The following POFUT2 variants were observed in gnomAD, a reference collection of about 807,000 sequenced individuals.
The protein encoded by POFUT2 is protein O-fucosyltransferase 2.
POFUT2 carries 30 observed loss-of-function variants against 55.0 expected under a neutral mutation model. That is an observed-to-expected ratio of 0.55 (90% CI 0.41 to 0.74). The LOEUF is 0.74. Ranked by LOEUF, POFUT2 falls within the 30% of genes least tolerant of loss-of-function variation. The pLI, the probability that POFUT2 is intolerant of heterozygous loss-of-function variation, is 0.00. For synonymous variants in POFUT2, 267 were observed against 231.1 expected (o/e 1.16, Z -1.41); for missense variants, 524 against 562.6 (o/e 0.93, Z 0.69).
Position 45,277,099 on chromosome 21 carries a change from C to T in POFUT2, c.749G>A (p.Gly250Glu). The change falls in exon 6 of 9, where the codon GGA becomes GAA. Residue 250 changes from glycine (G) to glutamate (E), a missense_variant. Gly to Glu is a moderately conservative substitution (Grantham distance 98, BLOSUM62 -2). Coordinates refer to ENST00000349485, the MANE Select transcript of POFUT2 (RefSeq NM_133635.6). The surrounding 1 kb of genome is among the most constrained non-coding windows in gnomAD (Gnocchi z 6.9). ...GAGATGTCTGCTCCTGAACTCGTCT[C>T]CCACCTCCCGCAGGTGCCTGGCAAA... ...MVFARHLREVGDEFRSRHLNS... is the reference protein window; with the variant it reads ...MVFARHLREVEDEFRSRHLNS... 6.2e-7 allele frequency: 1 copy of T among 1,614,086 alleles called. No homozygotes were observed. Among genetic ancestry groups the T allele is most frequent in the Non-Finnish European group, 8.5e-7 (1 of 1,179,986 alleles).
intron 1 of POFUT2, 112 bp downstream of exon 1, chr21:45,287,629 C>T: frequency 9.1e-7 from 1 of 1,104,364 alleles, no homozygotes; most frequent in Non-Finnish European, 1.2e-6. Context: ...CGTGGGCCTG[C>T]CCCTGACCCC....
At position 45,285,395 on chromosome 21, in the gene POFUT2, C is replaced by T. The variant is rs756027381; in HGVS notation, c.382+283G>A. On this transcript the variant is annotated intron_variant, in intron 2 of 8. Transcript: ENST00000349485. This position sits in a 1 kb window ranked among gnomAD's most constrained non-coding sequence, Gnocchi z 4.9. The stretch of plus-strand genomic sequence containing the variant: ...TCACTATAACACCCAGGGGTGGCCG[C>T]TTTCTTAGGGTGTAAGGGCGGCTCT... 232 of 434,500 alleles carry T rather than the reference C, an allele frequency of 5.3e-4. No individual in the cohort carries two copies. Among genetic ancestry groups the T allele is most frequent in the Non-Finnish European group, 8.7e-4 (200 of 229,548 alleles). 26.9% of individuals were successfully genotyped at this position (434,500 alleles called of 1,614,324 possible).
At position 45,286,629 on chromosome 21, in the gene POFUT2, C is replaced by CT. The variant is rs766545662; in HGVS notation, c.132-702dup. Among the ~76,000 whole-genome samples, 129 of 152,354 alleles carry CT rather than the reference C, an allele frequency of 8.5e-4. No homozygotes were observed. In the Middle Eastern group the frequency reaches 0.014, roughly 16 times the overall value. On this transcript the variant is annotated intron_variant, in intron 1 of 8. Transcript: ENST00000349485. ...CAAAAGCTCAGAGATCCAGGACACACTTTAAGATCACTGCCCTAGAGGAAG... is the reference window on the plus strand; with the variant it reads ...CAAAAGCTCAGAGATCCAGGACACACTTTTAAGATCACTGCCCTAGAGGAAG...
In POFUT2 at chr21:45,282,757, G is replaced by A. The variant is rs1308522312; in HGVS notation, c.528-298C>T. The A allele has an allele frequency of 3.8e-6, 2 of 529,678 alleles. No homozygotes were observed. The highest frequency in any genetic ancestry group is 7.4e-6 in the Non-Finnish European group (2 of 268,834). The allele number at this position is 529,678 out of a possible 1,614,324, so 32.8% of individuals were successfully genotyped here. On this transcript the variant is annotated intron_variant, in intron 3 of 8. Coordinates refer to ENST00000349485, the MANE Select transcript of POFUT2 (RefSeq NM_133635.6). The surrounding 1 kb of genome is among the most constrained non-coding windows in gnomAD (Gnocchi z 4.6). The stretch of plus-strand genomic sequence containing the variant: ...CCCTGTGCACCTTCAGGGCCAGCCT[G>A]GCTGTGACCGTCAGCCAAGTCAACC...
chr21:45,267,685 G>C lies in POFUT2; in HGVS notation c.1041C>G (p.Pro347=). ...ACGTGGGTTCAAACCTCACCATCTC[G>C]GGTAACAGCTTTTTTAGCTCTTCAT... ...KEYEELKKLL[P]EMVRFEPTWE... The change falls in exon 8 of 9, where the codon CCC becomes CCG. Residue 347 remains proline, a synonymous_variant. Coordinates refer to ENST00000349485, the MANE Select transcript of POFUT2 (RefSeq NM_133635.6). This position sits in a 1 kb window ranked among gnomAD's most constrained non-coding sequence, Gnocchi z 4.4. The C allele has an allele frequency of 6.2e-7, 1 of 1,614,134 alleles. No homozygotes were observed. Among genetic ancestry groups the C allele is most frequent in the Non-Finnish European group, 8.5e-7 (1 of 1,180,022 alleles).
chr21:45,282,320 G>A lies in POFUT2; in HGVS notation c.638+29C>T, dbSNP rs1245157649. On this transcript the variant is annotated intron_variant, in intron 4 of 8. Transcript: ENST00000349485. This position sits in a 1 kb window ranked among gnomAD's most constrained non-coding sequence, Gnocchi z 4.6. ...ACGGAGCAGACGCCACAGCCTCCAG[G>A]CTGCTCCCGGGGGGCCTGGGGCACT... is the stretch of plus-strand genomic sequence containing the variant. The A allele has an allele frequency of 7.1e-7, 1 of 1,416,006 alleles. No homozygotes were observed. Among genetic ancestry groups the A allele is most frequent in the South Asian group, 1.1e-5 (1 of 87,266 alleles). The allele number at this position is 1,416,006 out of a possible 1,614,324, so 87.7% of individuals were successfully genotyped here.
At position 45,264,846 on chromosome 21, in the gene POFUT2, G is replaced by T. The variant is rs2093139951; in HGVS notation, c.*636C>A. ...GAAAAACTTCCCAGTGCTCTGACGT[G>T]CCAGCAGTAGGGCCTGAACTGTCAT... is the stretch of plus-strand genomic sequence containing the variant. On this transcript the variant is annotated 3_prime_UTR_variant, in exon 9 of 9. Transcript: ENST00000349485. 1 of 152,428 alleles carries T rather than the reference G, an allele frequency of 6.6e-6. No individual in the cohort carries two copies. The highest frequency in any genetic ancestry group is 2.1e-4 in the South Asian group (1 of 4,840). 9.4% of individuals were successfully genotyped at this position (152,428 alleles called of 1,614,324 possible). A position where few individuals can be genotyped will look rare whatever the true frequency, so the allele number is the denominator to read the frequency against.
chr21:45,268,824 CCTCCG>C (rs2093185865), intron 7 of POFUT2, among the ~76,000 whole-genome samples: 8 of 143,354 alleles, frequency 5.6e-5, no homozygotes, highest in Admixed American at 4.1e-4. Context: ...GGGGGTCAGC[CCTCCG>C]CCCGGCCAGC....
intron 7 of POFUT2, among the ~76,000 whole-genome samples, chr21:45,269,216 G>A (rs1227027598): frequency 1.5e-3 from 226 of 151,552 alleles, no homozygotes; most frequent in African/African-American, 4.8e-3. Flanking sequence ...GGTGAGGGGC[G>A]CCTCTGCCCG....
At position 45,266,353 on chromosome 21, in the gene POFUT2, G is replaced by A. The variant is rs763417204; in HGVS notation, c.1137-718C>T. The A allele has an allele frequency of 1.4e-5, 18 of 1,319,354 alleles. No homozygotes were observed. The Admixed American group carries it at 1.8e-4, about 13-fold the overall frequency. 81.7% of individuals were successfully genotyped at this position (1,319,354 alleles called of 1,614,324 possible). Reference sequence around the variant, plus strand: ...TGCTGCTGCGGGGTGCAGCACTGGTGGGGAGACCCTCACCACCCCACACAC... The same window carrying A: ...TGCTGCTGCGGGGTGCAGCACTGGTAGGGAGACCCTCACCACCCCACACAC... On this transcript the variant is annotated intron_variant, in intron 8 of 8. Transcript: ENST00000349485.
chr21:45,277,465 T>C lies in POFUT2; in HGVS notation c.706-323A>G, dbSNP rs147821184. ...TGTGCAGCTCCTTCCCCTCAGTCTC[T>C]CCCCAACTCGACTTCTAGCTTAGGC... is the stretch of plus-strand genomic sequence containing the variant. On this transcript the variant is annotated intron_variant, in intron 5 of 8. Transcript: ENST00000349485. The surrounding 1 kb of genome is among the most constrained non-coding windows in gnomAD (Gnocchi z 6.9). The C allele has an allele frequency of 6.2e-4, 217 of 351,214 alleles. 2 individuals carry two copies. Among genetic ancestry groups the C allele is most frequent in the African/African-American group, 4.3e-3 (207 of 47,892 alleles). 21.8% of individuals were successfully genotyped at this position (351,214 alleles called of 1,614,324 possible).
chr21:45,285,969 G>C lies in POFUT2; in HGVS notation c.132-41C>G. ...GAGGACCACAGGTCTCAAATGCTGA[G>C]GTTTCTGCACGGAAAACCCGACTGC... On this transcript the variant is annotated intron_variant, in intron 1 of 8. Transcript: ENST00000349485. This position sits in a 1 kb window ranked among gnomAD's most constrained non-coding sequence, Gnocchi z 4.9. 6.4e-7 allele frequency: 1 copy of C among 1,559,528 alleles called. No individual in the cohort carries two copies. Among genetic ancestry groups the C allele is most frequent in the Non-Finnish European group, 8.7e-7 (1 of 1,153,764 alleles).
rs956041977 is a variant in POFUT2, at chr21:45,265,986, G to C, written c.1137-351C>G. On this transcript the variant is annotated intron_variant, in intron 8 of 8. Transcript: ENST00000349485. The surrounding 1 kb of genome is among the most constrained non-coding windows in gnomAD (Gnocchi z 4.6). The stretch of plus-strand genomic sequence containing the variant: ...CCAGTGCAGGTCGAATACCTCCTGG[G>C]GGTCACATGGTGAACAATGAGAGAT... 4 of 1,222,602 alleles carry C rather than the reference G, an allele frequency of 3.3e-6. No homozygotes were observed. The African/African-American group carries it at 4.7e-5, about 14-fold the overall frequency. The allele number at this position is 1,222,602 out of a possible 1,614,324, so 75.7% of individuals were successfully genotyped here. A position where few individuals can be genotyped will look rare whatever the true frequency, so the allele number is the denominator to read the frequency against.
intron 8 of POFUT2, chr21:45,266,920 A>G: frequency 2.0e-6 from 2 of 1,022,802 alleles, no homozygotes; most frequent in Non-Finnish European, 2.3e-6. Context: ...TCCTATGCAG[A>G]TGGGCAGGCA....
rs1264298952 is a variant in POFUT2 at position 45,267,473 on chromosome 21, T to C, written c.1136+117A>G. ...GACTCAGACGAGGAGGCAAACAGTA[T>C]GGAAATGACCACTGTGAACACAGGC... On this transcript the variant is annotated intron_variant, in intron 8 of 8. Coordinates refer to ENST00000349485, the MANE Select transcript of POFUT2 (RefSeq NM_133635.6). This position sits in a 1 kb window ranked among gnomAD's most constrained non-coding sequence, Gnocchi z 4.4. 1 of 1,614,122 alleles carries C rather than the reference T, an allele frequency of 6.2e-7. No individual in the cohort carries two copies. Among genetic ancestry groups the C allele is most frequent in the Admixed American group, 1.7e-5 (1 of 60,034 alleles).
intron 4 of POFUT2, among the ~76,000 whole-genome samples, chr21:45,279,235 C>T (rs1457439691): frequency 2.0e-5 from 3 of 151,866 alleles, no homozygotes; most frequent in Admixed American, 1.3e-4. Flanking sequence ...ACTAAAAATA[C>T]AAAAAAATTA....
Position 45,277,764 on chromosome 21 carries a change from C to T in POFUT2, c.705+339G>A, listed in dbSNP as rs1024502495. The T allele has an allele frequency of 2.9e-6, 1 of 344,864 alleles. No homozygotes were observed. The highest frequency in any genetic ancestry group is 2.1e-5 in the African/African-American group (1 of 47,190). 21.4% of individuals were successfully genotyped at this position (344,864 alleles called of 1,614,324 possible). On this transcript the variant is annotated intron_variant, in intron 5 of 8. Transcript: ENST00000349485. This position sits in a 1 kb window ranked among gnomAD's most constrained non-coding sequence, Gnocchi z 6.9. ...AGACCCGCTGCAGAGAATAGTCCCA[C>T]CTTTCAAAGCTAAAGAGAGGAGAAA...
Position 45,264,548 on chromosome 21 carries a change from T to A in POFUT2, c.*934A>T, listed in dbSNP as rs558309024. ...ATAAAGCAGCTCATCCTAGACAGCCTTTTGGAGTTAGCGTAACTGTCCTTC... is the reference window on the plus strand; with the variant it reads ...ATAAAGCAGCTCATCCTAGACAGCCATTTGGAGTTAGCGTAACTGTCCTTC... On this transcript the variant is annotated 3_prime_UTR_variant, in exon 9 of 9. Transcript: ENST00000349485. The A allele has an allele frequency of 1.3e-5, 2 of 152,316 alleles. No homozygotes were observed. The highest frequency in any genetic ancestry group is 2.1e-4 in the South Asian group (1 of 4,840). The allele number at this position is 152,316 out of a possible 1,614,324, so 9.4% of individuals were successfully genotyped here.
rs1218513688 is a variant in POFUT2, at chr21:45,265,872, C to A, written c.1137-237G>T. The stretch of plus-strand genomic sequence containing the variant: ...GCCTGGTGCTGCAGCCCCATCCACA[C>A]CCCACAGTCAGCAGCCGCCACGCTC... On this transcript the variant is annotated intron_variant, in intron 8 of 8. Transcript: ENST00000349485. The surrounding 1 kb of genome is among the most constrained non-coding windows in gnomAD (Gnocchi z 4.6). 13 of 1,368,004 alleles carry A rather than the reference C, an allele frequency of 9.5e-6. No homozygotes were observed. Among genetic ancestry groups the A allele is most frequent in the South Asian group, 1.5e-5 (1 of 65,792 alleles). The allele number at this position is 1,368,004 out of a possible 1,614,324, so 84.7% of individuals were successfully genotyped here. A position where few individuals can be genotyped will look rare whatever the true frequency, so the allele number is the denominator to read the frequency against.
Sources: allele counts gnomAD v4.1 joint callset (sites outside exome capture counted in the v4.1 genomes callset), GRCh38; gene constraint gnomAD v4.1.1; non-coding constraint Gnocchi (gnomAD v3.1); transcripts MANE v1.5; gene names NCBI Gene and HGNC (gene_info 2026-07-23, HGNC 2026-07-21).